PARP6: variants seen among roughly 807,000 people sequenced by gnomAD.
PARP6 encodes the protein protein mono-ADP-ribosyltransferase PARP6.
PARP6 carries 27 observed loss-of-function variants against 92.0 expected under a neutral mutation model. The ratio of observed to expected loss-of-function variants is 0.29; its 90% CI spans 0.22 to 0.40. The LOEUF (loss-of-function observed/expected upper bound fraction) is 0.40, where lower values mean the gene tolerates loss of function less well. Ranked by LOEUF, PARP6 falls within the 10% of genes least tolerant of loss-of-function variation. The pLI, the probability that PARP6 is intolerant of heterozygous loss-of-function variation, is 1.00. For synonymous variants in PARP6, 272 were observed against 281.2 expected, an observed-to-expected ratio of 0.97 and a Z score of 0.33; for missense variants, 501 against 784.5, an observed-to-expected ratio of 0.64 and a Z score of 4.32.
In PARP6 at chr15:72,242,629, G is replaced by A. The variant is rs1261902538; in HGVS notation, c.1632C>T (p.Thr544=). 6.2e-7 allele frequency: 1 copy of A among 1,602,708 alleles called. No individual in the cohort carries two copies. ...ELVQRYNRMN[T]IPQTRSIQSR... ...AGAATAGTTCCAATACCTGGGGGATGGTATTCATCCTGTTGTATCTCTGGA... is the reference window on the plus strand; with the variant it reads ...AGAATAGTTCCAATACCTGGGGGATAGTATTCATCCTGTTGTATCTCTGGA... Residue 544 remains threonine (T), a synonymous_variant, in exon 21 of 24, where the codon ACC becomes ACT. Coordinates refer to ENST00000569795, the MANE Select transcript of PARP6 (RefSeq NM_001323532.2). This position sits in a 1 kb window ranked among gnomAD's most constrained non-coding sequence, Gnocchi z 4.3.
At chr15:72,249,154 CATA>C (rs2084008653) in intron 20 of PARP6, 88 bp downstream of exon 20, 1 of 662,286 alleles carries the variant, frequency 1.5e-6, no homozygotes, top group Non-Finnish European at 2.8e-6. Context: ...ACCAAGTATC[CATA>C]ATGAGGGAGG....
rs764169091 is a variant in PARP6, at chr15:72,264,673, G to C, written c.329-52C>G. The C allele has an allele frequency of 1.7e-5, 25 of 1,444,178 alleles. No homozygotes were observed. The Middle Eastern group carries it at 5.2e-4, about 30-fold the overall frequency. The allele number at this position is 1,444,178 out of a possible 1,614,324, so 89.5% of individuals were successfully genotyped here. A position where few individuals can be genotyped will look rare whatever the true frequency, so the allele number is the denominator to read the frequency against. The stretch of plus-strand genomic sequence containing the variant: ...TAAGTACATATCTCTTGTCTTCCTG[G>C]AGTCCAAAGCTCAGTGGAATAGCTT... On this transcript the variant is annotated intron_variant, in intron 7 of 23. Coordinates refer to ENST00000569795, the MANE Select transcript of PARP6 (RefSeq NM_001323532.2).
In PARP6 at chr15:72,265,079, A is replaced by G; in HGVS notation, c.328+2T>C. 6.2e-7 allele frequency: 1 copy of G among 1,606,424 alleles called. No homozygotes were observed. The highest frequency in any genetic ancestry group is 8.5e-7 in the Non-Finnish European group (1 of 1,173,110). On this transcript the variant is annotated splice_donor_variant, in intron 7 of 23. Coordinates refer to ENST00000569795, the MANE Select transcript of PARP6 (RefSeq NM_001323532.2). LOFTEE classifies it high-confidence loss of function. ...CCACTTGCCCAAAGTCACTGCCTTT[A>G]CCTGGTCCATCTAGGTACTGGGAGA...
chr15:72,262,211 G>A (rs1420676673), intron 8 of PARP6, among the ~76,000 whole-genome samples: 4 of 152,142 alleles, frequency 2.6e-5, no homozygotes, highest in Non-Finnish European at 5.9e-5. Context: ...ACTTGTCCTT[G>A]ATCAGTTCTC....
chr15:72,248,417 C>G (rs2083900802), intron 20 of PARP6, among the ~76,000 whole-genome samples: 1 of 152,000 alleles, frequency 6.6e-6, no homozygotes, highest in Non-Finnish European at 1.5e-5. Context: ...TCTCAGCTCA[C>G]TGCAACCTCC....
chr15:72,265,299 G>T, intron 6 of PARP6, 114 bp downstream of exon 6: 1 of 1,089,776 alleles, frequency 9.2e-7, no homozygotes, highest in Non-Finnish European at 1.4e-6. Context: ...AGGAAAGACA[G>T]AGATGAAGAA....
At position 72,253,989 on chromosome 15, in the gene PARP6, T is replaced by C. The variant is rs1045329194; in HGVS notation, c.1191+466A>G. 4.8e-5 allele frequency: 22 copies of C among 456,896 alleles called. No homozygotes were observed. In the East Asian group the frequency reaches 7.6e-4, roughly 16 times the overall value. 28.3% of individuals were successfully genotyped at this position (456,896 alleles called of 1,614,324 possible). Reference sequence around the variant, plus strand: ...AAATGAATGTCTATTCATGCAGAGATTGCAGACGAGGGGTGGGGAAGTCTG... The same window carrying C: ...AAATGAATGTCTATTCATGCAGAGACTGCAGACGAGGGGTGGGGAAGTCTG... On this transcript the variant is annotated intron_variant, in intron 15 of 23. Transcript: ENST00000569795.
At chr15:72,256,886 C>T (rs1338469267) in intron 13 of PARP6, among the ~76,000 whole-genome samples, 1 of 151,936 alleles carries the variant, frequency 6.6e-6, no homozygotes, top group Non-Finnish European at 1.5e-5. Flanking sequence ...CTCTCTCATT[C>T]TTTTTTAAAG....
At chr15:72,266,911 C>T (rs2086674215) in intron 3 of PARP6, 89 bp from the exon 4 acceptor site, 1 of 961,312 alleles carries the variant, frequency 1.0e-6, no homozygotes, top group Non-Finnish European at 1.7e-6. Flanking sequence ...GAACAGATTC[C>T]CACAAAGATT....
At chr15:72,248,502 C>A (rs1189232183) in intron 20 of PARP6, among the ~76,000 whole-genome samples, 1 of 152,160 alleles carries the variant, frequency 6.6e-6, no homozygotes, top group Admixed American at 6.5e-5. Flanking sequence ...GTAACAGTTA[C>A]AAATTACTAC....
At chr15:72,270,707 T>C (rs115643643) in intron 2 of PARP6, among the ~76,000 whole-genome samples, 2,180 of 152,278 alleles carry the variant, frequency 0.014, 65 homozygotes, top group Admixed American at 0.059. Flanking sequence ...ACCTTGACCA[T>C]CCTATTTATT....
At chr15:72,258,800 T>C (rs1040978271) in intron 11 of PARP6, among the ~76,000 whole-genome samples, 1 of 152,244 alleles carries the variant, frequency 6.6e-6, no homozygotes, top group African/African-American at 2.4e-5. Flanking sequence ...ATCAAGTTGT[T>C]CCCCTTTCAC....
intron 1 of PARP6, 129 bp downstream of exon 1, chr15:72,272,264 A>T (rs761829919): frequency 6.6e-6 from 1 of 152,442 alleles, no homozygotes; most frequent in South Asian, 2.1e-4. Context: ...AAGACCCCAA[A>T]AACACCCAAC....
chr15:72,264,626 AAAGAG>A lies in PARP6; in HGVS notation c.329-10_329-6del, dbSNP rs2086326455. 1.9e-6 allele frequency: 3 copies of A among 1,613,204 alleles called. No individual in the cohort carries two copies. Among genetic ancestry groups the A allele is most frequent in the South Asian group, 2.2e-5 (2 of 91,074 alleles). The stretch of plus-strand genomic sequence containing the variant: ...GGAAAACCTCAATGGATGGTTCTGC[AAAGAG>A]AAGAGAAGGCTACTAGTAAGTACAT... On this transcript the variant is annotated splice_region_variant and splice_polypyrimidine_tract_variant and intron_variant, in intron 7 of 23. Transcript: ENST00000569795.
rs753864943 is a variant in PARP6, at chr15:72,250,961, C to T, written c.1309-7G>A. 2 of 1,601,352 alleles carry T rather than the reference C, an allele frequency of 1.2e-6. No individual in the cohort carries two copies. Among genetic ancestry groups the T allele is most frequent in the Non-Finnish European group, 1.7e-6 (2 of 1,170,350 alleles). ...AGGTGTGCATGAACTTCAGCTGCTG[C>T]CCAGGGTGGGGGTGGAATCAGGAAA... On this transcript the variant is annotated splice_polypyrimidine_tract_variant and splice_region_variant and intron_variant, in intron 17 of 23. Transcript: ENST00000569795.
Position 72,256,599 on chromosome 15 carries a change from A to G in PARP6, c.1000-9T>C. 2.0e-6 allele frequency: 3 copies of G among 1,522,048 alleles called. No individual in the cohort carries two copies. Among genetic ancestry groups the G allele is most frequent in the Non-Finnish European group, 2.6e-6 (3 of 1,138,380 alleles). 94.3% of individuals were successfully genotyped at this position (1,522,048 alleles called of 1,614,324 possible). On this transcript the variant is annotated splice_polypyrimidine_tract_variant and intron_variant, in intron 13 of 23. Coordinates refer to ENST00000569795, the MANE Select transcript of PARP6 (RefSeq NM_001323532.2). ...ACCAGCAGATCCACCACCTTAGGGG[A>G]AAGGAAAAAAAACAGGGCAGAAGCT...
intron 2 of PARP6, among the ~76,000 whole-genome samples, chr15:72,268,786 T>C (rs1353075481): frequency 5.3e-5 from 8 of 152,232 alleles, no homozygotes; most frequent in African/African-American, 1.9e-4. Flanking sequence ...TAAAGTCATC[T>C]TGGAACCTGC....
At chr15:72,261,008 A>G (rs1416531405) in intron 9 of PARP6, among the ~76,000 whole-genome samples, 1 of 151,488 alleles carries the variant, frequency 6.6e-6, no homozygotes, top group East Asian at 1.9e-4. Flanking sequence ...TGAGAGAGAG[A>G]AAAAAAAATA....
intron 8 of PARP6, 126 bp downstream of exon 8, chr15:72,264,429 G>A (rs1567229888): frequency 1.4e-6 from 1 of 706,474 alleles, no homozygotes; most frequent in Non-Finnish European, 2.5e-6. Context: ...CTTTTCCTGG[G>A]CATATTTCAG....
Sources: allele counts gnomAD v4.1 joint callset (sites outside exome capture counted in the v4.1 genomes callset), GRCh38; gene constraint gnomAD v4.1.1; non-coding constraint Gnocchi (gnomAD v3.1); transcripts MANE v1.5; gene names NCBI Gene and HGNC (gene_info 2026-07-23, HGNC 2026-07-21).